Variants in ENTREP2 observed in about 807,000 individuals in gnomAD.
ENTREP2 encodes the protein endosomal transmembrane epsin interactor 2.
the ENTREP2 span, among the ~76,000 whole-genome samples, chr15:29,301,770 G>A: frequency 1.3e-5 from 2 of 152,264 alleles, no homozygotes; most frequent in East Asian, 3.9e-4. Context: ...AAATCATGAG[G>A]GCGTAACCTT....
the ENTREP2 span, among the ~76,000 whole-genome samples, chr15:29,455,508 C>T: frequency 1.3e-5 from 2 of 152,176 alleles, no homozygotes; most frequent in African/African-American, 4.8e-5. Context: ...TATATTTATG[C>T]TTTTACTTTT....
At chr15:29,558,610 T>TAACA in the ENTREP2 span, among the ~76,000 whole-genome samples, 2 of 21,884 alleles carry the variant, frequency 9.1e-5, no homozygotes, top group East Asian at 2.5e-3. Flanking sequence ...TTGAATTGTA[T>TAACA]AGGTGCATTT....
At chr15:29,261,931 AAG>A in the ENTREP2 span, among the ~76,000 whole-genome samples, 1 of 151,654 alleles carries the variant, frequency 6.6e-6, no homozygotes. Flanking sequence ...TAAAAAAAAA[AAG>A]AACCACTAAG....
At chr15:29,265,210 G>A in the ENTREP2 span, 1 of 151,998 alleles carries the variant, frequency 6.6e-6, no homozygotes, top group Non-Finnish European at 1.5e-5. Flanking sequence ...TTAAAATCAA[G>A]AATAAGGAAT....
chr15:29,310,441 T>A, the ENTREP2 span, among the ~76,000 whole-genome samples: 1 of 151,864 alleles, frequency 6.6e-6, no homozygotes, highest in African/African-American at 2.4e-5. Flanking sequence ...TCTAGGGAGG[T>A]CCTCAGAGGG....
the ENTREP2 span, among the ~76,000 whole-genome samples, chr15:29,461,999 C>T: frequency 6.6e-6 from 1 of 152,162 alleles, no homozygotes; most frequent in Admixed American, 6.6e-5. Flanking sequence ...TGAAGTCATA[C>T]AGTTATTCGT....
chr15:29,443,977 G>A, the ENTREP2 span, among the ~76,000 whole-genome samples: 8 of 152,016 alleles, frequency 5.3e-5, no homozygotes, highest in South Asian at 2.1e-4. Context: ...GATGGTGGGC[G>A]CCTGTAGTCC....
At chr15:29,598,695 CTTTCTTTT>C in the ENTREP2 span, among the ~76,000 whole-genome samples, 69,866 of 151,090 alleles carry the variant, frequency 0.46, 16,778 homozygotes, top group Non-Finnish European at 0.54. Flanking sequence ...TTTTTTCTTT[CTTTCTTTT>C]TTTCTTTTTT....
At chr15:29,128,648 C>T in the ENTREP2 span, 2 of 729,954 alleles carry the variant, frequency 2.7e-6, no homozygotes, top group Non-Finnish European at 4.9e-6. Context: ...CTGCTGCAAA[C>T]TCCACCCTCT....
chr15:29,312,559 T>A, the ENTREP2 span, among the ~76,000 whole-genome samples: 1 of 152,190 alleles, frequency 6.6e-6, no homozygotes, highest in Non-Finnish European at 1.5e-5. Context: ...TCTCAGTACA[T>A]TTCAAACTTT....
At chr15:29,470,614 C>T in the ENTREP2 span, among the ~76,000 whole-genome samples, 6 of 152,214 alleles carry the variant, frequency 3.9e-5, no homozygotes, top group African/African-American at 9.6e-5. Flanking sequence ...CCTACAAACG[C>T]TGCCGGAAGC....
chr15:29,152,300 T>C, the ENTREP2 span, among the ~76,000 whole-genome samples: 1 of 152,174 alleles, frequency 6.6e-6, no homozygotes, highest in Non-Finnish European at 1.5e-5. Context: ...TTGGCAAATC[T>C]ATAGTACAAT....
the ENTREP2 span, among the ~76,000 whole-genome samples, chr15:29,488,477 G>A: frequency 6.6e-6 from 1 of 152,142 alleles, no homozygotes; most frequent in Non-Finnish European, 1.5e-5. Flanking sequence ...GGAGAGGTGC[G>A]AGTGAAAGGA....
chr15:29,430,074 C>T, the ENTREP2 span, among the ~76,000 whole-genome samples: 6 of 152,182 alleles, frequency 3.9e-5, no homozygotes, highest in Admixed American at 6.5e-5. Flanking sequence ...AAATCAATTC[C>T]GTGGGGAAAA....
chr15:29,199,570 A>G, the ENTREP2 span, among the ~76,000 whole-genome samples: 1 of 152,248 alleles, frequency 6.6e-6, no homozygotes. Flanking sequence ...AGAGTAAATT[A>G]GGAACAGAGA....
At chr15:29,237,371 A>G in the ENTREP2 span, among the ~76,000 whole-genome samples, 1 of 152,064 alleles carries the variant, frequency 6.6e-6, no homozygotes, top group East Asian at 1.9e-4. Context: ...TTTATAGGTG[A>G]TGATTTTGGA....
the ENTREP2 span, among the ~76,000 whole-genome samples, chr15:29,389,043 A>G: frequency 5.9e-5 from 9 of 152,082 alleles, no homozygotes; most frequent in African/African-American, 1.9e-4. Flanking sequence ...CAGCACACCA[A>G]CATGGCACAT....
the ENTREP2 span, among the ~76,000 whole-genome samples, chr15:29,607,304 C>CTTT: frequency 4.1e-4 from 54 of 131,798 alleles, no homozygotes; most frequent in African/African-American, 1.4e-3. Flanking sequence ...CTCTTCATTT[C>CTTT]TTTTTTTTTT....
At chr15:29,293,393 G>A in the ENTREP2 span, among the ~76,000 whole-genome samples, 5 of 150,352 alleles carry the variant, frequency 3.3e-5, no homozygotes, top group South Asian at 2.1e-4. Flanking sequence ...GACTACAGGC[G>A]CCCGCCACCA....
Sources: allele counts gnomAD v4.1 joint callset (sites outside exome capture counted in the v4.1 genomes callset), GRCh38; gene constraint gnomAD v4.1.1; transcripts MANE v1.5; gene names NCBI Gene and HGNC (gene_info 2026-07-23, HGNC 2026-07-21).